Variants in DENND1A observed in about 807,000 individuals in gnomAD.
DENND1A encodes the protein DENN domain containing 1A.
DENND1A carries 51 observed loss-of-function variants against 113.7 expected under a neutral mutation model. The observed-to-expected ratio is 0.45, with a 90% CI of 0.36 to 0.57. The LOEUF (loss-of-function observed/expected upper bound fraction) is 0.57, where lower values mean the gene tolerates loss of function less well. Among genes scored for constraint, DENND1A ranks in the 20% least tolerant of loss-of-function variants. DENND1A has a pLI of 0.00. For missense variants in DENND1A, 1,258 were observed against 1,395.9 expected (o/e 0.90, Z 1.57); for synonymous variants, 565 against 570.8 (o/e 0.99, Z 0.14).
At chr9:123,779,656 C>A (rs539678845) in intron 3 of DENND1A, among the ~76,000 whole-genome samples, 21 of 152,160 alleles carry the variant, frequency 1.4e-4, no homozygotes, top group Middle Eastern at 3.4e-3. Context: ...CGGACTACCA[C>A]GCTTGGCTAA....
intron 18 of DENND1A, among the ~76,000 whole-genome samples, chr9:123,446,898 C>A (rs1191976631): frequency 1.3e-5 from 2 of 152,206 alleles, no homozygotes; most frequent in East Asian, 3.8e-4. Flanking sequence ...TTGGCTAAAT[C>A]ATTTTGATAC....
chr9:123,737,467 T>C (rs1007625552), intron 5 of DENND1A, among the ~76,000 whole-genome samples: 2 of 152,174 alleles, frequency 1.3e-5, no homozygotes, highest in Admixed American at 1.3e-4. Context: ...GGATTACAGA[T>C]GTGAGCCACC....
chr9:123,412,758 G>A (rs901103429), intron 19 of DENND1A, among the ~76,000 whole-genome samples: 2 of 152,120 alleles, frequency 1.3e-5, no homozygotes, highest in African/African-American at 2.4e-5. Context: ...AAATTCACGC[G>A]AGACCCAGGC....
chr9:123,889,940 T>G (rs1041296662), intron 1 of DENND1A, among the ~76,000 whole-genome samples: 5 of 151,426 alleles, frequency 3.3e-5, no homozygotes, highest in Admixed American at 3.3e-4. Context: ...ACCATTGCAC[T>G]CCAGCCTGGG....
intron 13 of DENND1A, among the ~76,000 whole-genome samples, chr9:123,508,800 A>C (rs571253671): frequency 1.3e-5 from 2 of 152,378 alleles, no homozygotes; most frequent in East Asian, 3.9e-4. Flanking sequence ...GATATACTGA[A>C]TTCCCAATTA....
chr9:123,843,917 C>T (rs1842193385), intron 2 of DENND1A, among the ~76,000 whole-genome samples: 1 of 151,910 alleles, frequency 6.6e-6, no homozygotes, highest in African/African-American at 2.4e-5. Context: ...GGTTTAACGT[C>T]CAAAAATAGA....
intron 1 of DENND1A, among the ~76,000 whole-genome samples, chr9:123,882,618 G>T (rs1438525443): frequency 6.6e-6 from 1 of 151,988 alleles, no homozygotes; most frequent in African/African-American, 2.4e-5. Context: ...CCTCCTGATG[G>T]GTCTCCCTGC....
intron 9 of DENND1A, among the ~76,000 whole-genome samples, chr9:123,651,272 C>A (rs867230165): frequency 7.2e-5 from 11 of 151,844 alleles, no homozygotes; most frequent in African/African-American, 2.7e-4. Flanking sequence ...AAAAAATAAA[C>A]CCATGGAAAA....
At chr9:123,685,503 C>T (rs147972369) in intron 5 of DENND1A, among the ~76,000 whole-genome samples, 410 of 152,256 alleles carry the variant, frequency 2.7e-3, no homozygotes, top group Middle Eastern at 0.01. Context: ...AACATCTGTG[C>T]TTATATAAAT....
At chr9:123,891,197 C>T (rs1260175692) in intron 1 of DENND1A, among the ~76,000 whole-genome samples, 1 of 152,192 alleles carries the variant, frequency 6.6e-6, no homozygotes, top group Non-Finnish European at 1.5e-5. Flanking sequence ...CTCCCAGAAG[C>T]ACTGAGCTCC....
chr9:123,540,238 A>C (rs2056184748), intron 13 of DENND1A, among the ~76,000 whole-genome samples: 1 of 152,244 alleles, frequency 6.6e-6, no homozygotes, highest in Non-Finnish European at 1.5e-5. Flanking sequence ...TATCTAACTT[A>C]ATCTTCACAC....
chr9:123,728,769 C>A (rs959790159), intron 5 of DENND1A, among the ~76,000 whole-genome samples: 74 of 152,022 alleles, frequency 4.9e-4, no homozygotes, highest in Admixed American at 4.9e-3. Flanking sequence ...ATAGATGCTA[C>A]ATCAGCATAA....
intron 22 of DENND1A, among the ~76,000 whole-genome samples, chr9:123,387,136 G>A (rs550366154): frequency 2.7e-4 from 41 of 152,334 alleles, no homozygotes; most frequent in African/African-American, 9.9e-4. Context: ...GGCAAGAACG[G>A]GTAAAGGAAG....
chr9:123,494,254 T>C (rs1034679714), intron 13 of DENND1A, among the ~76,000 whole-genome samples: 6 of 152,216 alleles, frequency 3.9e-5, no homozygotes, highest in Non-Finnish European at 5.9e-5. Flanking sequence ...CAAAGGAACC[T>C]GGAGCAGTGC....
intron 5 of DENND1A, among the ~76,000 whole-genome samples, chr9:123,709,004 C>T (rs943098577): frequency 6.6e-6 from 1 of 152,208 alleles, no homozygotes; most frequent in Non-Finnish European, 1.5e-5. Context: ...CCCTTTTTGG[C>T]TATCAGTAGG....
At chr9:123,642,412 C>T (rs2062078646) in intron 9 of DENND1A, among the ~76,000 whole-genome samples, 1 of 152,212 alleles carries the variant, frequency 6.6e-6, no homozygotes, top group Non-Finnish European at 1.5e-5. Flanking sequence ...GGCTGCAAAG[C>T]CTCTATTCCA....
chr9:123,461,409 A>C (rs1312956190), intron 13 of DENND1A, among the ~76,000 whole-genome samples: 1 of 152,222 alleles, frequency 6.6e-6, no homozygotes, highest in Non-Finnish European at 1.5e-5. Context: ...TTCCAGCCAC[A>C]GGAGCCTTGT....
intron 2 of DENND1A, among the ~76,000 whole-genome samples, chr9:123,838,390 T>C (rs1247762303): frequency 2.0e-5 from 3 of 152,114 alleles, no homozygotes; most frequent in African/African-American, 7.2e-5. Flanking sequence ...TGTATATACA[T>C]ATATATAAAG....
chr9:123,556,438 C>T (rs1272936150), intron 13 of DENND1A, among the ~76,000 whole-genome samples: 3 of 152,184 alleles, frequency 2.0e-5, no homozygotes, highest in Non-Finnish European at 2.9e-5. Context: ...AGATACTTAC[C>T]AATGTATAAT....
Sources: gnomAD v4.1 joint callset for allele counts (sites outside exome capture counted in the v4.1 genomes callset) on GRCh38, gnomAD v4.1.1 for gene constraint, MANE v1.5 for transcripts, NCBI Gene and HGNC (gene_info 2026-07-23, HGNC 2026-07-21) for gene names.